Variants in PDCD11 observed in about 807,000 individuals in gnomAD.
The protein encoded by PDCD11 is protein RRP5 homolog.
A neutral mutation model predicts 198.9 loss-of-function variants in PDCD11; 97 were observed. The ratio of observed to expected loss-of-function variants is 0.49; its 90% CI spans 0.41 to 0.58. PDCD11 has a LOEUF of 0.58. Among genes scored for constraint, PDCD11 ranks in the 20% least tolerant of loss-of-function variants. PDCD11 has a pLI of 0.00. For missense variants in PDCD11, 2,102 were observed against 2,312.7 expected, an observed-to-expected ratio of 0.91 and a Z score of 1.87; for synonymous variants, 893 against 918.0, an observed-to-expected ratio of 0.97 and a Z score of 0.49.
intron 24 of PDCD11, 68 bp from the exon 25 acceptor site, chr10:103,434,730 T>C (rs1292488108): frequency 7.4e-7 from 1 of 1,347,914 alleles, no homozygotes; most frequent in Non-Finnish European, 1.0e-6. Context: ...AGCCTGTGTG[T>C]GGCTGGCATT....
At chr10:103,440,268 TC>T in intron 28 of PDCD11, 21 bp from the exon 29 acceptor site, 1 of 1,593,936 alleles carries the variant, frequency 6.3e-7, no homozygotes, top group Non-Finnish European at 8.5e-7. Flanking sequence ...TGTCTTTACC[TC>T]CCCATCTTGC....
At position 103,438,044 on chromosome 10, in the gene PDCD11, T is replaced by G. The variant is rs1050164482; in HGVS notation, c.3875T>G (p.Val1292Gly). 3 of 1,613,738 alleles carry G rather than the reference T, an allele frequency of 1.9e-6. No homozygotes were observed. The highest frequency in any genetic ancestry group is 2.5e-6 in the Non-Finnish European group (3 of 1,179,654). The change falls in exon 26 of 36, where the codon GTA becomes GGA. Residue 1292 changes from valine to glycine, a missense_variant. Transcript: ENST00000369797. ...RCYILSTADN[V>G]LTLSLRSSRT... ...TACATCCTGTCCACTGCAGACAACG[T>G]ATTGACTTTGTCGCTGCGATCATCC...
At chr10:103,441,173 A>G (rs910401294) in intron 30 of PDCD11, among the ~76,000 whole-genome samples, 2 of 152,214 alleles carry the variant, frequency 1.3e-5, no homozygotes, top group African/African-American at 4.8e-5. Context: ...AGGACCGGGT[A>G]TGGGATGGCT....
intron 1 of PDCD11, among the ~76,000 whole-genome samples, chr10:103,397,570 G>C (rs1194860454): frequency 6.6e-6 from 1 of 152,152 alleles, no homozygotes; most frequent in East Asian, 1.9e-4. Flanking sequence ...CTAGTAGCTG[G>C]GACTAGGCGC....
intron 8 of PDCD11, among the ~76,000 whole-genome samples, chr10:103,410,601 CT>C (rs538298131): frequency 0.018 from 2,340 of 129,768 alleles, 44 homozygotes; most frequent in African/African-American, 0.053. Context: ...CTTTTCTTTT[CT>C]TTTTTTTTTT....
Position 103,445,680 on chromosome 10 carries a change from A to C in PDCD11, c.*131A>C. 1 of 671,082 alleles carries C rather than the reference A, an allele frequency of 1.5e-6. No homozygotes were observed. Among genetic ancestry groups the C allele is most frequent in the Non-Finnish European group, 2.5e-6 (1 of 401,196 alleles). 41.6% of individuals were successfully genotyped at this position (671,082 alleles called of 1,614,324 possible). A position where few individuals can be genotyped will look rare whatever the true frequency, so the allele number is the denominator to read the frequency against. ...TGCTTTTTCTGCAGCACGCTTGGGG[A>C]AATCCTGTCAGGATGAAAAGGAAGT... On this transcript the variant is annotated 3_prime_UTR_variant, in exon 36 of 36. Transcript: ENST00000369797.
At chr10:103,441,474 C>T (rs2032382102) in intron 30 of PDCD11, among the ~76,000 whole-genome samples, 1 of 152,196 alleles carries the variant, frequency 6.6e-6, no homozygotes, top group South Asian at 2.1e-4. Context: ...GGGCTGGTCT[C>T]GAACTCCTGA....
At chr10:103,407,400 A>G (rs187778846) in intron 7 of PDCD11, among the ~76,000 whole-genome samples, 131 of 152,150 alleles carry the variant, frequency 8.6e-4, no homozygotes, top group African/African-American at 3.0e-3. Context: ...CGTCTCTGCT[A>G]AAAATACAAA....
intron 22 of PDCD11, among the ~76,000 whole-genome samples, chr10:103,433,571 T>C (rs1371110664): frequency 6.6e-6 from 1 of 152,094 alleles, no homozygotes; most frequent in Admixed American, 6.6e-5. Flanking sequence ...CAAATCCAAA[T>C]TGGTTTAGAA....
chr10:103,408,269 A>C (rs2030582094), intron 7 of PDCD11, among the ~76,000 whole-genome samples: 1 of 151,736 alleles, frequency 6.6e-6, no homozygotes, highest in Admixed American at 6.6e-5. Flanking sequence ...CATAGCCGGT[A>C]TCCTAGGACT....
chr10:103,427,294 T>C, intron 20 of PDCD11, 35 bp from the exon 21 acceptor site: 2 of 1,574,396 alleles, frequency 1.3e-6, no homozygotes, highest in Non-Finnish European at 1.7e-6. Context: ...GTTACAGAGA[T>C]GAAGAGAAAT....
chr10:103,411,075 T>TA lies in PDCD11; in HGVS notation c.978+1288dup, dbSNP rs775346957. Among the ~76,000 whole-genome samples the TA allele has an allele frequency of 2.1e-3, 282 of 135,320 alleles. 1 individual carries two copies. Among genetic ancestry groups the TA allele is most frequent in the East Asian group, 0.011 (49 of 4,596 alleles). 88.8% of individuals were successfully genotyped at this position (135,320 alleles called of 152,430 possible). On this transcript the variant is annotated intron_variant, in intron 8 of 35. Transcript: ENST00000369797. ...GAGCGACAGAGTGAGACTCTGTCTTTAAAAAAAAAAAAAAAAAAATTTTTA... is the reference window on the plus strand; with the variant it reads ...GAGCGACAGAGTGAGACTCTGTCTTTAAAAAAAAAAAAAAAAAAAATTTTTA...
At chr10:103,410,601 CTT>C (rs538298131) in intron 8 of PDCD11, among the ~76,000 whole-genome samples, 7 of 129,824 alleles carry the variant, frequency 5.4e-5, no homozygotes, top group African/African-American at 2.0e-4. Flanking sequence ...CTTTTCTTTT[CTT>C]TTTTTTTTTT....
chr10:103,405,018 G>T lies in PDCD11; in HGVS notation c.403-4G>T. The stretch of plus-strand genomic sequence containing the variant: ...ATCAGGTCTTTCTCATTTGTGTTAT[G>T]CAGGACCTACTTCACTTGCCTGAAC... On this transcript the variant is annotated splice_region_variant and splice_polypyrimidine_tract_variant and intron_variant, in intron 4 of 35. Transcript: ENST00000369797. 1 of 1,613,442 alleles carries T rather than the reference G, an allele frequency of 6.2e-7. No homozygotes were observed. Among genetic ancestry groups the T allele is most frequent in the East Asian group, 2.2e-5 (1 of 44,866 alleles).
chr10:103,432,312 A>G, intron 22 of PDCD11, 78 bp downstream of exon 22: 6 of 1,038,430 alleles, frequency 5.8e-6, no homozygotes, highest in Non-Finnish European at 9.0e-6. Flanking sequence ...GAGAAAAGCC[A>G]TTAGCAGAGA....
chr10:103,420,945 G>A (rs548481852), intron 16 of PDCD11, among the ~76,000 whole-genome samples: 57 of 151,320 alleles, frequency 3.8e-4, no homozygotes, highest in African/African-American at 1.4e-3. Flanking sequence ...GCGCAATCTC[G>A]GCTTACAGCA....
chr10:103,406,919 A>C (rs547198576), intron 7 of PDCD11, 129 bp downstream of exon 7: 152 of 660,402 alleles, frequency 2.3e-4, no homozygotes, highest in Middle Eastern at 4.2e-4. Context: ...GAGCATTTCA[A>C]ATGTGGCCAG....
At chr10:103,437,478 GTTATTTAT>G (rs368502106) in intron 25 of PDCD11, among the ~76,000 whole-genome samples, 2 of 150,952 alleles carry the variant, frequency 1.3e-5, no homozygotes, top group Non-Finnish European at 3.0e-5. Flanking sequence ...AGTAGGTAGT[GTTATTTAT>G]TTATTTATTT....
chr10:103,411,632 G>A (rs536296851), intron 8 of PDCD11, among the ~76,000 whole-genome samples: 2 of 152,196 alleles, frequency 1.3e-5, no homozygotes, highest in East Asian at 1.9e-4. Context: ...CTCCTAAAGT[G>A]CTGGGATTAG....
Sources: allele counts gnomAD v4.1 joint callset (sites outside exome capture counted in the v4.1 genomes callset), GRCh38; gene constraint gnomAD v4.1.1; transcripts MANE v1.5; gene names NCBI Gene and HGNC (gene_info 2026-07-23, HGNC 2026-07-21).